The following ATXN7 variants were observed in gnomAD, a reference collection of about 807,000 sequenced individuals.
ATXN7 encodes the protein ataxin-7.
In ATXN7, 12 loss-of-function variants were observed where a neutral mutation model predicts 70.5. The observed-to-expected ratio is 0.17, with a 90% CI of 0.11 to 0.28. The LOEUF (loss-of-function observed/expected upper bound fraction) is 0.28, where lower values mean the gene tolerates loss of function less well. ATXN7 is among the 10% of genes least tolerant of loss of function. The pLI is 1.00. For missense variants in ATXN7, 1,256 were observed against 1,131.7 expected, an observed-to-expected ratio of 1.11 and a Z score of -1.58; for synonymous variants, 498 against 448.7, an observed-to-expected ratio of 1.11 and a Z score of -1.39.
intron 5 of ATXN7, among the ~76,000 whole-genome samples, chr3:63,953,589 G>A (rs1050816544): frequency 6.6e-6 from 1 of 152,034 alleles, no homozygotes; most frequent in Non-Finnish European, 1.5e-5. Context: ...AGAGGCAAGA[G>A]ATGACACCGG....
rs889614887 is a variant in ATXN7 at position 63,879,543 on chromosome 3, G to A, written c.-111+15385G>A. On this transcript the variant is annotated intron_variant, in intron 1 of 12. Transcript: ENST00000674280. ...TGCTCTGTCACCCAGGCTAAATGAA[G>A]TACAGTGGCGCGATCTCGGCTCACT... is the stretch of plus-strand genomic sequence containing the variant. Among the ~76,000 whole-genome samples the A allele has an allele frequency of 4.8e-5, 7 of 146,728 alleles. No individual in the cohort carries two copies. In the East Asian group the frequency reaches 1.5e-3, roughly 31 times the overall value.
chr3:63,937,921 A>G (rs753040776), intron 4 of ATXN7, among the ~76,000 whole-genome samples: 18 of 152,238 alleles, frequency 1.2e-4, no homozygotes, highest in African/African-American at 4.1e-4. Context: ...AACATAAAGC[A>G]TGGAAAGTAC....
intron 4 of ATXN7, among the ~76,000 whole-genome samples, chr3:63,932,755 T>G (rs901451673): frequency 1.3e-5 from 2 of 152,186 alleles, no homozygotes; most frequent in African/African-American, 2.4e-5. Flanking sequence ...AAATTACTTC[T>G]CATCTCTTAG....
At chr3:63,972,923 A>G (rs1422912308) in intron 5 of ATXN7, among the ~76,000 whole-genome samples, 1 of 152,170 alleles carries the variant, frequency 6.6e-6, no homozygotes, top group African/African-American at 2.4e-5. Flanking sequence ...GTCTAAATAA[A>G]CAAGCCTGTA....
At chr3:63,970,841 T>C (rs926639217) in intron 5 of ATXN7, among the ~76,000 whole-genome samples, 5 of 152,140 alleles carry the variant, frequency 3.3e-5, no homozygotes, top group African/African-American at 9.7e-5. Flanking sequence ...CAGTGCGCGC[T>C]CTGCCCAGAG....
intron 4 of ATXN7, among the ~76,000 whole-genome samples, chr3:63,932,475 G>C (rs1257630100): frequency 1.3e-5 from 2 of 152,212 alleles, no homozygotes; most frequent in Non-Finnish European, 2.9e-5. Context: ...TTTAGGACTT[G>C]AGGTGGCAGC....
intron 1 of ATXN7, among the ~76,000 whole-genome samples, chr3:63,875,315 C>A (rs1702717712): frequency 6.6e-6 from 1 of 152,002 alleles, no homozygotes; most frequent in African/African-American, 2.4e-5. Flanking sequence ...TGGTCTTGAA[C>A]TCCTGAGCTC....
Position 63,999,414 on chromosome 3 carries a change from C to A in ATXN7, c.2662-36C>A, listed in dbSNP as rs375611238. 1.9e-6 allele frequency: 3 copies of A among 1,544,302 alleles called. No homozygotes were observed. In the African/African-American group the frequency reaches 4.1e-5, roughly 21 times the overall value. ...GTGCAGTGTACAAACGCTTACTTACCATTTCATTATTTCCCCACCCCCTCT... is the reference window on the plus strand; with the variant it reads ...GTGCAGTGTACAAACGCTTACTTACAATTTCATTATTTCCCCACCCCCTCT... On this transcript the variant is annotated intron_variant, in intron 12 of 12. Coordinates refer to ENST00000674280, the MANE Select transcript of ATXN7 (RefSeq NM_001377405.1).
intron 12 of ATXN7, chr3:63,998,763 G>C: frequency 1.1e-6 from 1 of 891,858 alleles, no homozygotes; most frequent in Non-Finnish European, 1.3e-6. Context: ...AAAGGGACTC[G>C]TGACCCCAAA....
At chr3:63,986,768 C>T (rs560760634) in intron 8 of ATXN7, among the ~76,000 whole-genome samples, 230 of 152,182 alleles carry the variant, frequency 1.5e-3, no homozygotes, top group Non-Finnish European at 2.7e-3. Context: ...CAGTGTGTCT[C>T]GTAAGGAGGT....
At position 63,917,831 on chromosome 3, in the gene ATXN7, A is replaced by G. The variant is rs147528272; in HGVS notation, c.394+4606A>G. Among the ~76,000 whole-genome samples, 133 of 152,336 alleles carry G rather than the reference A, an allele frequency of 8.7e-4. 1 individual carries two copies. The highest frequency in any genetic ancestry group is 2.8e-4 in the Non-Finnish European group (19 of 68,028). On this transcript the variant is annotated intron_variant, in intron 4 of 12. Coordinates refer to ENST00000674280, the MANE Select transcript of ATXN7 (RefSeq NM_001377405.1). ...TTGAGTCACTCTAGTGTGTGATTCA[A>G]ATGACCAATTTTTCATTGTATTGTG...
chr3:63,972,783 C>G (rs1021307131), intron 5 of ATXN7, among the ~76,000 whole-genome samples: 13 of 152,128 alleles, frequency 8.5e-5, no homozygotes, highest in Non-Finnish European at 1.8e-4. Context: ...TGAAATGGCA[C>G]GTAAAAATAT....
intron 5 of ATXN7, among the ~76,000 whole-genome samples, chr3:63,978,646 A>G (rs1437005832): frequency 6.6e-6 from 1 of 152,208 alleles, no homozygotes; most frequent in South Asian, 2.1e-4. Context: ...ATCACTATCA[A>G]TTTAACCTTC....
rs748494251 is a variant in ATXN7 at position 63,882,178 on chromosome 3, A to T, written c.-110-16221A>T. Among the ~76,000 whole-genome samples the T allele has an allele frequency of 3.0e-4, 46 of 152,152 alleles. 2 individuals are homozygous for T. Among genetic ancestry groups the T allele is most frequent in the Admixed American group, 1.3e-4 (2 of 15,264 alleles). ...GCTGTTACTGTTTTCCTTTGGGGAC[A>T]GATTCCCTAACCCAGATGGATGGCA... is the stretch of plus-strand genomic sequence containing the variant. On this transcript the variant is annotated intron_variant, in intron 1 of 12. Transcript: ENST00000674280.
In ATXN7 at chr3:63,871,144, TG is replaced by T. The variant is rs570125289; in HGVS notation, c.-111+6988del. Among the ~76,000 whole-genome samples, 1,011 of 152,330 alleles carry T rather than the reference TG, an allele frequency of 6.6e-3. 7 individuals carry two copies. The highest frequency in any genetic ancestry group is 0.017 in the Middle Eastern group (5 of 294). On this transcript the variant is annotated intron_variant, in intron 1 of 12. Coordinates refer to ENST00000674280, the MANE Select transcript of ATXN7 (RefSeq NM_001377405.1). ...TATTTTGCAGCAAGTACACTCTTTT[TG>T]GAGTTTACCTTTTCAAAACAACATT...
chr3:63,889,932 C>T (rs1396991305), intron 1 of ATXN7, among the ~76,000 whole-genome samples: 1 of 152,204 alleles, frequency 6.6e-6, no homozygotes, highest in Non-Finnish European at 1.5e-5. Context: ...TACTTACCAG[C>T]TTAACATTTT....
intron 4 of ATXN7, among the ~76,000 whole-genome samples, chr3:63,914,772 G>A (rs1188897241): frequency 6.6e-6 from 1 of 152,158 alleles, no homozygotes; most frequent in Non-Finnish European, 1.5e-5. Context: ...GCTGGACAGG[G>A]ACCCAACCAA....
chr3:63,983,547 C>A (rs1462071518), intron 8 of ATXN7, among the ~76,000 whole-genome samples: 1 of 151,588 alleles, frequency 6.6e-6, no homozygotes, highest in Non-Finnish European at 1.5e-5. Context: ...GAGGCTGAGG[C>A]AGAAGGATTG....
intron 12 of ATXN7, chr3:63,997,514 T>G: frequency 2.2e-6 from 2 of 905,746 alleles, no homozygotes; most frequent in East Asian, 2.6e-5. Flanking sequence ...TATTTTTGTC[T>G]CGTCCCAGCT....
Sources: gnomAD v4.1 joint callset for allele counts (sites outside exome capture counted in the v4.1 genomes callset) on GRCh38, gnomAD v4.1.1 for gene constraint, MANE v1.5 for transcripts, NCBI Gene and HGNC (gene_info 2026-07-23, HGNC 2026-07-21) for gene names.